Variants in SLC13A1 observed in about 807,000 individuals in gnomAD.
The protein encoded by SLC13A1 is Na(+)/sulfate cotransporter.
A neutral mutation model predicts 70.0 loss-of-function variants in SLC13A1; 65 were observed. That is an observed-to-expected ratio of 0.93 (90% CI 0.76 to 1.14). The LOEUF (loss-of-function observed/expected upper bound fraction) is 1.14, where lower values mean the gene tolerates loss of function less well. Ranked by LOEUF, SLC13A1 falls within the 50% of genes most tolerant of loss-of-function variation. The probability of loss-of-function intolerance (pLI) is 0.00; values close to 1 mark genes in which losing one functional copy is unlikely to be tolerated. For synonymous variants in SLC13A1, 275 were observed against 250.5 expected (o/e 1.10, Z -0.92); for missense variants, 726 against 717.8 (o/e 1.01, Z -0.13).
At chr7:123,140,064 A>T (rs532544678) in intron 7 of SLC13A1, among the ~76,000 whole-genome samples, 10 of 148,568 alleles carry the variant, frequency 6.7e-5, no homozygotes, top group Non-Finnish European at 9.1e-5. Flanking sequence ...TATCTGTCGT[A>T]TACAGCTTCT....
intron 7 of SLC13A1, 35 bp downstream of exon 7, chr7:123,147,124 T>G: frequency 6.2e-7 from 1 of 1,600,654 alleles, no homozygotes; most frequent in Non-Finnish European, 8.5e-7. Flanking sequence ...TGTGCTGCCC[T>G]TATGTTAAAT....
chr7:123,190,254 T>G (rs976048113), intron 1 of SLC13A1, among the ~76,000 whole-genome samples: 2 of 152,170 alleles, frequency 1.3e-5, no homozygotes, highest in Non-Finnish European at 2.9e-5. Context: ...ATACTACATG[T>G]CACGTAGCAG....
intron 2 of SLC13A1, among the ~76,000 whole-genome samples, chr7:123,175,329 G>C (rs189477187): frequency 1.3e-5 from 2 of 152,186 alleles, no homozygotes; most frequent in African/African-American, 4.8e-5. Flanking sequence ...TACAGGAGCT[G>C]ATCCTTGAGT....
rs1195827029 is a variant in SLC13A1, at chr7:123,117,555, A to G, written c.1566T>C (p.Cys522=). The G allele has an allele frequency of 6.2e-7, 1 of 1,612,054 alleles. No individual in the cohort carries two copies. Among genetic ancestry groups the G allele is most frequent in the African/African-American group, 1.3e-5 (1 of 74,860 alleles). Residue 522 remains cysteine (C), a synonymous_variant, in exon 14 of 15, where the codon TGT becomes TGC. Coordinates refer to ENST00000194130, the MANE Select transcript of SLC13A1 (RefSeq NM_022444.4). Reference sequence around the variant, plus strand: ...CTGGTAGGAGGAATGCAAATGAAGTACACAGAGTAGAAGGTATCAGAATAT... The same window carrying G: ...CTGGTAGGAGGAATGCAAATGAAGTGCACAGAGTAGAAGGTATCAGAATAT... The part of the protein sequence containing the change: ...PLYILIPSTL[C]TSFAFLLPVA...
rs756329390 is a variant in SLC13A1 at position 123,147,227 on chromosome 7, A to G, written c.744T>C (p.Ser248=). ...TGATTGTTGTCAGTCCACCAATGGT[A>G]GAAGAGTAGGCAATGCACAAACACG... ...KLTCLCIAYS[S]TIGGLTTITG... Residue 248 remains serine, a synonymous_variant, in exon 7 of 15, where the codon TCT becomes TCC. Coordinates refer to ENST00000194130, the MANE Select transcript of SLC13A1 (RefSeq NM_022444.4). The G allele has an allele frequency of 1.2e-6, 2 of 1,613,748 alleles. No homozygotes were observed. Among genetic ancestry groups the G allele is most frequent in the South Asian group, 2.2e-5 (2 of 91,060 alleles).
rs199595316 is a variant in SLC13A1, at chr7:123,147,159, G to A, written c.812C>T (p.Thr271Ile). ...TCACCAATCCAATAAGGTTACTTAC[G>A]TATTGAAATACTCTGCAAAGATCAA... ...TNLIFAEYFN[T>I]RYPDCRCLNF... The change falls in exon 7 of 15, where the codon ACA (threonine) becomes ATA (isoleucine). Residue 271 changes from threonine to isoleucine, a missense_variant and splice_region_variant. Transcript: ENST00000194130. 5.7e-5 allele frequency: 92 copies of A among 1,612,470 alleles called. 1 individual carries two copies. The highest frequency in any genetic ancestry group is 4.6e-4 in the South Asian group (42 of 90,818).
At chr7:123,141,191 G>A (rs948990625) in intron 7 of SLC13A1, among the ~76,000 whole-genome samples, 1 of 151,952 alleles carries the variant, frequency 6.6e-6, no homozygotes, top group Non-Finnish European at 1.5e-5. Context: ...GGAGCATATT[G>A]TTTAATTTTC....
At chr7:123,142,096 G>T (rs1476839860) in intron 7 of SLC13A1, among the ~76,000 whole-genome samples, 1 of 152,020 alleles carries the variant, frequency 6.6e-6, no homozygotes, top group Non-Finnish European at 1.5e-5. Context: ...TATTTTTCAT[G>T]TATAGGGTAA....
chr7:123,157,919 T>C (rs1319013722), intron 6 of SLC13A1, among the ~76,000 whole-genome samples: 2 of 152,026 alleles, frequency 1.3e-5, no homozygotes, highest in East Asian at 3.9e-4. Flanking sequence ...AAAGAAAATA[T>C]CATGCTGAAT....
intron 12 of SLC13A1, 69 bp from the exon 13 acceptor site, chr7:123,119,311 T>TA (rs374139456): frequency 4.2e-5 from 43 of 1,032,454 alleles, no homozygotes; most frequent in African/African-American, 6.6e-5. Context: ...ATAAAATCCA[T>TA]AAAAAAACAT....
Position 123,165,194 on chromosome 7 carries a change from A to T in SLC13A1, c.660+3180T>A, listed in dbSNP as rs971475867. Among the ~76,000 whole-genome samples the T allele has an allele frequency of 1.1e-4, 16 of 152,208 alleles. 1 individual carries two copies. The South Asian group carries it at 3.3e-3, about 32-fold the overall frequency. On this transcript the variant is annotated intron_variant, in intron 6 of 14. Coordinates refer to ENST00000194130, the MANE Select transcript of SLC13A1 (RefSeq NM_022444.4). Reference sequence around the variant, plus strand: ...TAATTGTTAAAAATCAAAACATATCATAAATGTATAATATATAAAATAATG... The same window carrying T: ...TAATTGTTAAAAATCAAAACATATCTTAAATGTATAATATATAAAATAATG...
intron 6 of SLC13A1, among the ~76,000 whole-genome samples, chr7:123,151,253 G>A (rs988309619): frequency 6.6e-6 from 1 of 151,952 alleles, no homozygotes; most frequent in East Asian, 1.9e-4. Flanking sequence ...GAACCTGGGA[G>A]GCAGAGGTTG....
At chr7:123,166,135 A>T (rs902695180) in intron 6 of SLC13A1, among the ~76,000 whole-genome samples, 2 of 152,104 alleles carry the variant, frequency 1.3e-5, no homozygotes, top group East Asian at 3.9e-4. Flanking sequence ...TATGTCAGAC[A>T]TATTTTTATA....
chr7:123,147,865 C>A (rs546830246), intron 6 of SLC13A1, among the ~76,000 whole-genome samples: 3 of 152,016 alleles, frequency 2.0e-5, no homozygotes, highest in Non-Finnish European at 4.4e-5. Context: ...CCAACTCTTC[C>A]CCCATGTCTT....
chr7:123,121,979 T>G (rs1793396556), intron 12 of SLC13A1, among the ~76,000 whole-genome samples: 1 of 152,108 alleles, frequency 6.6e-6, no homozygotes, highest in Non-Finnish European at 1.5e-5. Flanking sequence ...GCTCTGTATA[T>G]TGAGATTTTT....
intron 14 of SLC13A1, among the ~76,000 whole-genome samples, chr7:123,115,879 C>T (rs930004693): frequency 5.3e-5 from 8 of 152,164 alleles, no homozygotes; most frequent in African/African-American, 1.2e-4. Context: ...CCCATTAACT[C>T]GTCATTTCTT....
intron 2 of SLC13A1, among the ~76,000 whole-genome samples, chr7:123,173,533 C>T (rs1277623040): frequency 6.6e-6 from 1 of 151,760 alleles, no homozygotes; most frequent in Non-Finnish European, 1.5e-5. Flanking sequence ...CCTCTTTGCA[C>T]CTCTTCAATT....
intron 1 of SLC13A1, among the ~76,000 whole-genome samples, chr7:123,198,921 T>G (rs1796266625): frequency 6.6e-6 from 1 of 152,012 alleles, no homozygotes; most frequent in Non-Finnish European, 1.5e-5. Flanking sequence ...CTGCTCCAAA[T>G]AAGTGTTTGA....
chr7:123,134,309 G>A (rs2116339869), intron 8 of SLC13A1, 101 bp downstream of exon 8: 1 of 1,076,272 alleles, frequency 9.3e-7, no homozygotes, highest in African/African-American at 1.6e-5. Context: ...AATGCAGAAA[G>A]GTAGCCTGCA....
Sources: allele counts gnomAD v4.1 joint callset (sites outside exome capture counted in the v4.1 genomes callset), GRCh38; gene constraint gnomAD v4.1.1; transcripts MANE v1.5; gene names NCBI Gene and HGNC (gene_info 2026-07-23, HGNC 2026-07-21).